Variants in CDKAL1 observed in about 807,000 individuals in gnomAD.
CDKAL1 encodes the protein threonylcarbamoyladenosine tRNA methylthiotransferase.
A neutral mutation model predicts 68.2 loss-of-function variants in CDKAL1; 32 were observed. The observed-to-expected ratio is 0.47, with a 90% confidence interval of 0.35 to 0.63. The LOEUF is 0.63. CDKAL1 is among the 30% of genes least tolerant of loss of function. The probability of loss-of-function intolerance (pLI) is 0.00; values close to 1 mark genes in which losing one functional copy is unlikely to be tolerated. For missense variants in CDKAL1, 606 were observed against 696.7 expected (o/e 0.87, Z 1.47); for synonymous variants, 234 against 244.3 (o/e 0.96, Z 0.39).
In CDKAL1 at chr6:21,029,721, G is replaced by GA. The variant is rs1769163336; in HGVS notation, c.1055+29356dup. 5.3e-5 allele frequency among the ~76,000 whole-genome samples: 8 copies of GA among 152,060 alleles called. 1 individual carries two copies. The highest frequency in any genetic ancestry group is 5.2e-4 in the Admixed American group (8 of 15,262). ...ACATTTATACGGCCAGCAAACACAT[G>GA]AAAAAAAGCTCAACATCACTGATCG... On this transcript the variant is annotated intron_variant, in intron 11 of 15. Transcript: ENST00000274695.
At chr6:20,749,457 C>T (rs1356838538) in intron 6 of CDKAL1, among the ~76,000 whole-genome samples, 1 of 152,134 alleles carries the variant, frequency 6.6e-6, no homozygotes, top group Non-Finnish European at 1.5e-5. Flanking sequence ...GGTCCCTGGA[C>T]TGATGCTACC....
chr6:21,181,755 C>T (rs1452600966), intron 13 of CDKAL1, among the ~76,000 whole-genome samples: 1 of 152,110 alleles, frequency 6.6e-6, no homozygotes, highest in Non-Finnish European at 1.5e-5. Context: ...AAGCAGAGAA[C>T]TTTTATATGG....
chr6:20,605,672 T>A (rs1466204367), intron 4 of CDKAL1, among the ~76,000 whole-genome samples: 1 of 152,206 alleles, frequency 6.6e-6, no homozygotes. Flanking sequence ...GGAGCCATGC[T>A]CAGTCAAGGG....
chr6:21,010,062 A>C (rs1221555864), intron 11 of CDKAL1, among the ~76,000 whole-genome samples: 3 of 152,238 alleles, frequency 2.0e-5, no homozygotes, highest in African/African-American at 7.2e-5. Context: ...TAATTTGATC[A>C]TTACGCATTG....
At chr6:21,156,505 C>T (rs763005877) in intron 13 of CDKAL1, among the ~76,000 whole-genome samples, 1 of 151,542 alleles carries the variant, frequency 6.6e-6, no homozygotes, top group African/African-American at 2.4e-5. Context: ...TAGCAGAATC[C>T]CTTTTTTTCC....
intron 6 of CDKAL1, chr6:20,756,709 C>T (rs1415441637): frequency 6.6e-6 from 1 of 152,230 alleles, no homozygotes; most frequent in African/African-American, 2.4e-5. Context: ...GCTGAGTGGT[C>T]AGACGTAGAA....
At chr6:20,596,511 CCA>C (rs1181831081) in intron 4 of CDKAL1, among the ~76,000 whole-genome samples, 1 of 152,186 alleles carries the variant, frequency 6.6e-6, no homozygotes, top group East Asian at 1.9e-4. Flanking sequence ...ACATCCCTCC[CCA>C]CACCAAGCTT....
At chr6:21,138,533 A>G (rs1017707038) in intron 13 of CDKAL1, among the ~76,000 whole-genome samples, 5 of 152,190 alleles carry the variant, frequency 3.3e-5, no homozygotes, top group Admixed American at 6.5e-5. Flanking sequence ...CACATTTGTC[A>G]TCTGTGAAAC....
At chr6:21,069,762 C>A (rs931807233) in intron 12 of CDKAL1, among the ~76,000 whole-genome samples, 10 of 143,084 alleles carry the variant, frequency 7.0e-5, no homozygotes, top group Non-Finnish European at 1.4e-4. Context: ...TAAAATCCCC[C>A]AGATTTTCTT....
intron 13 of CDKAL1, among the ~76,000 whole-genome samples, chr6:21,154,716 A>C (rs796379686): frequency 2.0e-4 from 30 of 152,328 alleles, no homozygotes; most frequent in African/African-American, 7.0e-4. Flanking sequence ...TAGGCTGGGC[A>C]CAGTGGCTCA....
chr6:21,184,311 C>T (rs962462675), intron 13 of CDKAL1, among the ~76,000 whole-genome samples: 1 of 151,762 alleles, frequency 6.6e-6, no homozygotes, highest in Non-Finnish European at 1.5e-5. Context: ...TCTCCTGCCT[C>T]AGCCTCCTGA....
At chr6:20,717,885 A>G (rs752488721) in intron 5 of CDKAL1, among the ~76,000 whole-genome samples, 8 of 152,088 alleles carry the variant, frequency 5.3e-5, no homozygotes, top group Admixed American at 5.2e-4. Context: ...CATCAGGCAC[A>G]GTAGAGAAGG....
chr6:21,156,021 A>G (rs889942107), intron 13 of CDKAL1, among the ~76,000 whole-genome samples: 1 of 152,218 alleles, frequency 6.6e-6, no homozygotes, highest in Non-Finnish European at 1.5e-5. Context: ...ATTTAGTGAT[A>G]GGGAGGGGAG....
intron 11 of CDKAL1, among the ~76,000 whole-genome samples, chr6:21,021,231 A>G (rs116409317): frequency 0.01 from 1,544 of 152,270 alleles, 28 homozygotes; most frequent in African/African-American, 0.036. Flanking sequence ...GCTTTTCTGT[A>G]AAAATGAGGA....
At chr6:20,749,010 T>TATATAA (rs1773799127) in intron 6 of CDKAL1, among the ~76,000 whole-genome samples, 1 of 151,994 alleles carries the variant, frequency 6.6e-6, no homozygotes, top group Non-Finnish European at 1.5e-5. Context: ...TATATATATA[T>TATATAA]AAAATGTATT....
At position 20,826,105 on chromosome 6, in the gene CDKAL1, C is replaced by G. The variant is rs568936202; in HGVS notation, c.639-19970C>G. On this transcript the variant is annotated intron_variant, in intron 8 of 15. Coordinates refer to ENST00000274695, the MANE Select transcript of CDKAL1 (RefSeq NM_017774.3). ...GTAGCAATCTTTAGTCCAAGTACAGCTTTTCTCCTTTGTAGGGGAAACTGG... is the reference window on the plus strand; with the variant it reads ...GTAGCAATCTTTAGTCCAAGTACAGGTTTTCTCCTTTGTAGGGGAAACTGG... 2.0e-5 allele frequency among the ~76,000 whole-genome samples: 3 copies of G among 152,212 alleles called. No homozygotes were observed. In the South Asian group the frequency reaches 6.2e-4, roughly 32 times the overall value.
At chr6:21,024,097 G>C (rs527587667) in intron 11 of CDKAL1, among the ~76,000 whole-genome samples, 123 of 152,248 alleles carry the variant, frequency 8.1e-4, no homozygotes, top group Non-Finnish European at 1.5e-3. Context: ...AAAATAATGA[G>C]AAATACCTAT....
chr6:21,202,594 T>C (rs1048697207), intron 15 of CDKAL1, among the ~76,000 whole-genome samples: 7 of 152,226 alleles, frequency 4.6e-5, no homozygotes, highest in African/African-American at 1.7e-4. Flanking sequence ...TAATTTTAGA[T>C]TGCCACAGTG....
At chr6:21,037,350 A>C (rs1238904140) in intron 11 of CDKAL1, among the ~76,000 whole-genome samples, 1 of 152,216 alleles carries the variant, frequency 6.6e-6, no homozygotes, top group Non-Finnish European at 1.5e-5. Context: ...TTTGATCACC[A>C]GTTATGTATT....
Sources: allele counts gnomAD v4.1 joint callset (sites outside exome capture counted in the v4.1 genomes callset), GRCh38; gene constraint gnomAD v4.1.1; transcripts MANE v1.5; gene names NCBI Gene and HGNC (gene_info 2026-07-23, HGNC 2026-07-21).